Variants in PCDHGA5 observed in about 807,000 individuals in gnomAD.
The protein encoded by PCDHGA5 is protocadherin gamma-A5.
In PCDHGA5, 36 loss-of-function variants were observed where a neutral mutation model predicts 56.7. The observed-to-expected ratio is 0.64, with a 90% CI of 0.49 to 0.84. The LOEUF (loss-of-function observed/expected upper bound fraction) is 0.84, where lower values mean the gene tolerates loss of function less well. PCDHGA5 is among the 40% of genes least tolerant of loss of function. The pLI is 0.00. For missense variants in PCDHGA5, 1,305 were observed against 1,201.5 expected (o/e 1.09, Z -1.27); for synonymous variants, 563 against 520.2 (o/e 1.08, Z -1.12).
intron 1 of PCDHGA5, chr5:141,478,843 C>G: frequency 7.2e-7 from 1 of 1,398,442 alleles, no homozygotes; most frequent in South Asian, 1.5e-5. Flanking sequence ...GATGGTTAAG[C>G]TAAAACACAA....
intron 1 of PCDHGA5, chr5:141,426,519 C>T: frequency 8.8e-6 from 3 of 341,848 alleles, no homozygotes; most frequent in South Asian, 6.9e-5. Flanking sequence ...TTACCGTGAA[C>T]ACGGAGAATG....
At chr5:141,473,228 A>T (rs549587219) in intron 1 of PCDHGA5, among the ~76,000 whole-genome samples, 1 of 152,296 alleles carries the variant, frequency 6.6e-6, no homozygotes, top group African/African-American at 2.4e-5. Context: ...GGGAGATTGG[A>T]TCCACACAAG....
At chr5:141,473,330 C>T (rs1431360397) in intron 1 of PCDHGA5, among the ~76,000 whole-genome samples, 2 of 152,208 alleles carry the variant, frequency 1.3e-5, no homozygotes, top group East Asian at 3.8e-4. Flanking sequence ...TAAGTGCCTG[C>T]TGTGCTAGAC....
In PCDHGA5 at chr5:141,511,233, T is replaced by C. The variant is rs776405064; in HGVS notation, c.*60T>C. 5.0e-6 allele frequency: 8 copies of C among 1,595,310 alleles called. No homozygotes were observed. Among genetic ancestry groups the C allele is most frequent in the Non-Finnish European group, 6.8e-6 (8 of 1,170,902 alleles). On this transcript the variant is annotated 3_prime_UTR_variant, in exon 4 of 4. Transcript: ENST00000518069. ...CTCCCCAACCAGCCCAGCTTCTCCT[T>C]ACCTGCACCCAGGCCTCAGAGTTTC...
chr5:141,486,137 G>A lies in PCDHGA5; in HGVS notation c.2422-8670G>A, dbSNP rs1187526031. 1 of 1,614,074 alleles carries A rather than the reference G, an allele frequency of 6.2e-7. No individual in the cohort carries two copies. On this transcript the variant is annotated intron_variant, in intron 1 of 3. Coordinates refer to ENST00000518069, the MANE Select transcript of PCDHGA5 (RefSeq NM_018918.3). The surrounding 1 kb of genome is among the most constrained non-coding windows in gnomAD (Gnocchi z 5.0). ...GAATTACTATGAATTTGATGTGCGGGCTCGCGATGGGGGTTCTCCAGCCAT... is the reference window on the plus strand; with the variant it reads ...GAATTACTATGAATTTGATGTGCGGACTCGCGATGGGGGTTCTCCAGCCAT...
chr5:141,466,037 G>T (rs1204301031), intron 1 of PCDHGA5, among the ~76,000 whole-genome samples: 1 of 152,056 alleles, frequency 6.6e-6, no homozygotes, highest in African/African-American at 2.4e-5. Flanking sequence ...CAGGAGAACG[G>T]CATGAACCCA....
intron 1 of PCDHGA5, among the ~76,000 whole-genome samples, chr5:141,492,490 G>C (rs2099741140): frequency 6.6e-6 from 1 of 152,208 alleles, no homozygotes; most frequent in Non-Finnish European, 1.5e-5. Context: ...CCAGGACCAG[G>C]CGAGGACTCC....
intron 1 of PCDHGA5, chr5:141,390,095 T>TC: frequency 6.2e-7 from 1 of 1,613,972 alleles, no homozygotes; most frequent in South Asian, 1.1e-5. Flanking sequence ...AATCCGTGGT[T>TC]CCCCCCAACT....
Position 141,410,070 on chromosome 5 carries a change from C to A in PCDHGA5, c.2421+43319C>A, listed in dbSNP as rs1368179504. On this transcript the variant is annotated intron_variant, in intron 1 of 3. Transcript: ENST00000518069. ...GGACTCTTCAGCCTGGGGCTGCGCA[C>A]TGGGGAGGTGCGCACGGCTCGAGCC... 6.2e-7 allele frequency: 1 copy of A among 1,612,806 alleles called. No homozygotes were observed. The highest frequency in any genetic ancestry group is 1.3e-5 in the African/African-American group (1 of 74,938).
At chr5:141,366,872 A>G in intron 1 of PCDHGA5, 121 bp downstream of exon 1, 1 of 1,396,140 alleles carries the variant, frequency 7.2e-7, no homozygotes, top group Non-Finnish European at 9.6e-7. Flanking sequence ...GCTGTATTGG[A>G]GATTAATTTT....
At chr5:141,425,827 T>C (rs2096896512) in intron 1 of PCDHGA5, among the ~76,000 whole-genome samples, 1 of 152,226 alleles carries the variant, frequency 6.6e-6, no homozygotes, top group South Asian at 2.1e-4. Context: ...AAACAAACTT[T>C]TAAATTCTCT....
At chr5:141,381,244 C>T (rs554184818) in intron 1 of PCDHGA5, among the ~76,000 whole-genome samples, 2 of 152,360 alleles carry the variant, frequency 1.3e-5, no homozygotes, top group African/African-American at 4.8e-5. Flanking sequence ...TCTCCAGGAC[C>T]TAGAAGAATT....
chr5:141,486,745 C>T lies in PCDHGA5; in HGVS notation c.2422-8062C>T, dbSNP rs1167986336. On this transcript the variant is annotated intron_variant, in intron 1 of 3. Coordinates refer to ENST00000518069, the MANE Select transcript of PCDHGA5 (RefSeq NM_018918.3). This position sits in a 1 kb window ranked among gnomAD's most constrained non-coding sequence, Gnocchi z 5.0. ...CTGTTCATGCTACTCGATCCTTTGA[C>T]TATGAGCAAACCCAGACACTGCAGT... 3.1e-6 allele frequency: 5 copies of T among 1,614,226 alleles called. No homozygotes were observed. The highest frequency in any genetic ancestry group is 3.4e-6 in the Non-Finnish European group (4 of 1,180,044).
intron 1 of PCDHGA5, among the ~76,000 whole-genome samples, chr5:141,443,560 G>A (rs2098394386): frequency 6.6e-6 from 1 of 152,162 alleles, no homozygotes; most frequent in Non-Finnish European, 1.5e-5. Context: ...CAATTCAAAT[G>A]CTTTAAATGG....
At chr5:141,456,404 G>A (rs935040352) in intron 1 of PCDHGA5, among the ~76,000 whole-genome samples, 4 of 152,104 alleles carry the variant, frequency 2.6e-5, no homozygotes, top group Non-Finnish European at 4.4e-5. Flanking sequence ...TTGCTTCTAG[G>A]CGAGAAGAAA....
chr5:141,470,915 C>A (rs2099244061), intron 1 of PCDHGA5, among the ~76,000 whole-genome samples: 1 of 152,010 alleles, frequency 6.6e-6, no homozygotes, highest in Non-Finnish European at 1.5e-5. Flanking sequence ...GGGACTGTCC[C>A]TATGTTGCTC....
At position 141,383,772 on chromosome 5, in the gene PCDHGA5, G is replaced by A. The variant is rs187406135; in HGVS notation, c.2421+17021G>A. The A allele has an allele frequency of 1.7e-5, 27 of 1,613,982 alleles. No homozygotes were observed. Among genetic ancestry groups the A allele is most frequent in the Admixed American group, 8.3e-5 (5 of 60,026 alleles). ...AAATAACTCCTAAACTTCCAAAGAT[G>A]TTTCATCTGAACTCGCTTACAGGAG... is the stretch of plus-strand genomic sequence containing the variant. On this transcript the variant is annotated intron_variant, in intron 1 of 3. Transcript: ENST00000518069.
intron 1 of PCDHGA5, among the ~76,000 whole-genome samples, chr5:141,380,254 G>T (rs572849105): frequency 6.6e-6 from 1 of 152,270 alleles, no homozygotes; most frequent in Non-Finnish European, 1.5e-5. Flanking sequence ...TGTCAAAGGG[G>T]AAGGAGTAAA....
Position 141,413,600 on chromosome 5 carries a change from T to A in PCDHGA5, c.2421+46849T>A, listed in dbSNP as rs767830855. ...GCTCCAAAATTCCAAGCAGAAAATC[T>A]AGACGTAAAAATTAATGAAAATGTC... On this transcript the variant is annotated intron_variant, in intron 1 of 3. Transcript: ENST00000518069. 2.4e-5 allele frequency: 39 copies of A among 1,613,750 alleles called. No homozygotes were observed. Among genetic ancestry groups the A allele is most frequent in the Non-Finnish European group, 3.3e-5 (39 of 1,179,908 alleles).
Sources: allele counts gnomAD v4.1 joint callset (sites outside exome capture counted in the v4.1 genomes callset), GRCh38; gene constraint gnomAD v4.1.1; non-coding constraint Gnocchi (gnomAD v3.1); transcripts MANE v1.5; gene names NCBI Gene and HGNC (gene_info 2026-07-23, HGNC 2026-07-21).